Variants in GSE1 observed in about 807,000 individuals in gnomAD.
GSE1 encodes Gse1 coiled-coil protein, also known as genetic suppressor element 1.
A neutral mutation model predicts 112.6 loss-of-function variants in GSE1; 32 were observed. The observed-to-expected ratio is 0.28, with a 90% CI of 0.21 to 0.38. The LOEUF is 0.38. Ranked by LOEUF, GSE1 falls within the 10% of genes least tolerant of loss-of-function variation. GSE1 has a pLI of 1.00. For synonymous variants in GSE1, 1,115 were observed against 735.6 expected (o/e 1.52, Z -8.35); for missense variants, 2,348 against 1,699.2 (o/e 1.38, Z -6.71).
intron 1 of GSE1, among the ~76,000 whole-genome samples, chr16:85,633,305 G>A (rs897330639): frequency 4.6e-5 from 7 of 152,210 alleles, no homozygotes; most frequent in African/African-American, 1.2e-4. Context: ...CCTGAGTGGC[G>A]GGGAGGCCGG....
chr16:85,553,604 C>T (rs2045046402), upstream of GSE1, among the ~76,000 whole-genome samples: 2 of 152,024 alleles, frequency 1.3e-5, no homozygotes, highest in African/African-American at 4.8e-5. Context: ...GGCGGTCGAG[C>T]CCCGGAGGAA....
At chr16:85,479,964 A>G (rs1233487917) in intron 2 of GSE1, among the ~76,000 whole-genome samples, 2 of 152,178 alleles carry the variant, frequency 1.3e-5, no homozygotes, top group Non-Finnish European at 2.9e-5. Flanking sequence ...TGAGGACCCA[A>G]AGCTCAGAAA....
At chr16:85,261,576 A>G (rs1007989883) in intron 1 of GSE1, among the ~76,000 whole-genome samples, 1 of 152,130 alleles carries the variant, frequency 6.6e-6, no homozygotes, top group Non-Finnish European at 1.5e-5. Flanking sequence ...ACAGGCTCAG[A>G]GTGGAGGGCT....
At chr16:85,175,740 C>T (rs1037117123) in intron 1 of GSE1, among the ~76,000 whole-genome samples, 1 of 152,188 alleles carries the variant, frequency 6.6e-6, no homozygotes, top group African/African-American at 2.4e-5. Context: ...GGGTGATAAC[C>T]ATTATGGAGT....
chr16:85,623,788 G>T (rs1464644261), intron 1 of GSE1, among the ~76,000 whole-genome samples: 1 of 152,158 alleles, frequency 6.6e-6, no homozygotes, highest in Non-Finnish European at 1.5e-5. Flanking sequence ...CGAAGGCCAG[G>T]TGGCCCTTTC....
chr16:85,542,271 G>A (rs541704578), intron 2 of GSE1, among the ~76,000 whole-genome samples: 6 of 152,228 alleles, frequency 3.9e-5, no homozygotes, highest in Non-Finnish European at 5.9e-5. Flanking sequence ...TTGGAAACCC[G>A]TTCTGTTTCT....
At chr16:85,551,534 C>T (rs963362221), upstream of GSE1, among the ~76,000 whole-genome samples, 4 of 152,222 alleles carry the variant, frequency 2.6e-5, no homozygotes, top group South Asian at 2.1e-4. Context: ...ACAACCGGGC[C>T]GTTCAATGGA....
At chr16:85,377,601 G>A (rs1394688791) in intron 2 of GSE1, among the ~76,000 whole-genome samples, 1 of 152,238 alleles carries the variant, frequency 6.6e-6, no homozygotes, top group Non-Finnish European at 1.5e-5. Context: ...CAGTAAGCAA[G>A]CGTAAGCAGC....
chr16:85,555,178 C>G (rs1274929588), upstream of GSE1: 1 of 985,446 alleles, frequency 1.0e-6, no homozygotes, highest in Non-Finnish European at 1.2e-6. Context: ...GGAGACAAAT[C>G]TGCTGTCAGG....
intron 1 of GSE1, among the ~76,000 whole-genome samples, chr16:85,182,205 G>T (rs369634807): frequency 1.3e-5 from 2 of 152,106 alleles, no homozygotes; most frequent in African/African-American, 4.8e-5. Flanking sequence ...GGGCTCCTGT[G>T]GGGGGAGGAG....
intron 1 of GSE1, among the ~76,000 whole-genome samples, chr16:85,622,577 C>T (rs547668565): frequency 1.3e-5 from 2 of 152,194 alleles, no homozygotes; most frequent in Non-Finnish European, 2.9e-5. Flanking sequence ...ATGTAACATG[C>T]AGTAGGTGTA....
chr16:85,463,992 C>T (rs1235544839), intron 2 of GSE1, among the ~76,000 whole-genome samples: 1 of 152,292 alleles, frequency 6.6e-6, no homozygotes, highest in South Asian at 2.1e-4. Flanking sequence ...GGACGCTGGC[C>T]TCAGGACTGC....
At chr16:85,351,941 G>T (rs1034803341) in intron 1 of GSE1, among the ~76,000 whole-genome samples, 1 of 152,084 alleles carries the variant, frequency 6.6e-6, no homozygotes, top group Admixed American at 6.6e-5. Context: ...AGTGAGCCGA[G>T]ATCGCACCAC....
At chr16:85,612,311 C>G (rs942070046), upstream of GSE1, among the ~76,000 whole-genome samples, 1 of 151,968 alleles carries the variant, frequency 6.6e-6, no homozygotes, top group Non-Finnish European at 1.5e-5. Flanking sequence ...CAGTCCCTCT[C>G]CGCGCCGCCT....
intron 1 of GSE1, among the ~76,000 whole-genome samples, chr16:85,240,405 G>T (rs557814061): frequency 1.1e-4 from 17 of 152,204 alleles, no homozygotes; most frequent in Admixed American, 1.1e-3. Flanking sequence ...CCAAGGGGGA[G>T]GGGGGTGGAG....
chr16:85,520,638 G>A (rs1174517819), intron 2 of GSE1, among the ~76,000 whole-genome samples: 2 of 151,850 alleles, frequency 1.3e-5, no homozygotes, highest in Non-Finnish European at 2.9e-5. Flanking sequence ...GGCCAGGCTG[G>A]TCTTGAACTC....
intron 1 of GSE1, among the ~76,000 whole-genome samples, chr16:85,623,262 T>C (rs934976068): frequency 2.0e-5 from 3 of 151,472 alleles, no homozygotes; most frequent in African/African-American, 7.3e-5. Context: ...TCACCTACAT[T>C]GCAGTGCAGT....
upstream of GSE1, among the ~76,000 whole-genome samples, chr16:85,552,096 G>T (rs534859952): frequency 6.6e-6 from 1 of 152,094 alleles, no homozygotes; most frequent in African/African-American, 2.4e-5. Flanking sequence ...TGCGATCTTG[G>T]CTCACTGCAA....
At chr16:85,479,279 A>T (rs1051658334) in intron 2 of GSE1, among the ~76,000 whole-genome samples, 7 of 124,464 alleles carry the variant, frequency 5.6e-5, no homozygotes, top group Admixed American at 3.1e-4. Context: ...TGATCCACCC[A>T]CCTCGGCCTC....
Sources: allele counts gnomAD v4.1 joint callset (sites outside exome capture counted in the v4.1 genomes callset), GRCh38; gene constraint gnomAD v4.1.1; transcripts MANE v1.5; gene names NCBI Gene and HGNC (gene_info 2026-07-23, HGNC 2026-07-21).